Variants in CATSPERE observed in about 807,000 individuals in gnomAD.
CATSPERE encodes the protein cation channel sperm-associated auxiliary subunit epsilon.
Under a neutral mutation model 114.1 loss-of-function variants are expected in CATSPERE, and 93 were observed. That is an observed-to-expected ratio of 0.81 (90% CI 0.69 to 0.97). The LOEUF is 0.97. Ranked by LOEUF, CATSPERE falls within the 50% of genes least tolerant of loss-of-function variation. CATSPERE has a pLI of 0.00. For synonymous variants in CATSPERE, 341 were observed against 384.1 expected (o/e 0.89, Z 1.31); for missense variants, 1,058 against 1,131.6 (o/e 0.93, Z 0.93).
intron 10 of CATSPERE, among the ~76,000 whole-genome samples, chr1:244,566,751 A>G (rs1347955795): frequency 1.4e-5 from 2 of 142,712 alleles, no homozygotes; most frequent in African/African-American, 5.1e-5. Flanking sequence ...TTTGCACGTG[A>G]AATGGGTGTC....
chr1:244,471,083 G>T (rs1041118698), intron 2 of CATSPERE, among the ~76,000 whole-genome samples: 1 of 152,144 alleles, frequency 6.6e-6, no homozygotes. Context: ...TTCTAAAATC[G>T]ATTACAGTAA....
intron 19 of CATSPERE, among the ~76,000 whole-genome samples, chr1:244,613,511 A>G (rs985503436): frequency 6.6e-6 from 1 of 152,196 alleles, no homozygotes; most frequent in Non-Finnish European, 1.5e-5. Context: ...TTAAAATGTA[A>G]TTATAGGATA....
At chr1:244,495,156 G>A (rs374289025) in intron 6 of CATSPERE, among the ~76,000 whole-genome samples, 5 of 152,208 alleles carry the variant, frequency 3.3e-5, no homozygotes, top group Admixed American at 6.5e-5. Context: ...TGGAATTTAA[G>A]AGCAGGAAAA....
chr1:244,582,961 AT>A, intron 12 of CATSPERE, among the ~76,000 whole-genome samples: 2 of 3,556 alleles, frequency 5.6e-4, no homozygotes, highest in African/African-American at 9.6e-4. Context: ...ATATATATAT[AT>A]ATATATATAT....
intron 13 of CATSPERE, 41 bp from the exon 14 acceptor site, chr1:244,588,441 T>A: frequency 6.9e-7 from 1 of 1,455,296 alleles, no homozygotes; most frequent in Non-Finnish European, 9.7e-7. Flanking sequence ...ATCATATGAA[T>A]CAGAACTGCT....
intron 13 of CATSPERE, among the ~76,000 whole-genome samples, chr1:244,584,588 G>A (rs1336896154): frequency 2.7e-5 from 4 of 147,914 alleles, no homozygotes; most frequent in East Asian, 1.9e-4. Flanking sequence ...TCTTAACCCC[G>A]CCTCCTTTGA....
At chr1:244,585,107 C>A (rs1488070650) in intron 13 of CATSPERE, among the ~76,000 whole-genome samples, 3 of 152,150 alleles carry the variant, frequency 2.0e-5, no homozygotes, top group African/African-American at 7.2e-5. Context: ...TCCTGCCCAG[C>A]CAAGGCATTA....
rs1411292597 is a variant in CATSPERE, at chr1:244,633,782, T to TA, written c.2649-1706dup. ...CTGGAATGCCCTAACCCTTCATCCT[T>TA]ATTTAAACTCCAACCTTTAGGACTC... On this transcript the variant is annotated intron_variant, in intron 20 of 21. Transcript: ENST00000366534. The surrounding 1 kb of genome is among the most constrained non-coding windows in gnomAD (Gnocchi z 4.1). 6.6e-6 allele frequency among the ~76,000 whole-genome samples: 1 copy of TA among 152,072 alleles called. No homozygotes were observed. Among genetic ancestry groups the TA allele is most frequent in the East Asian group, 1.9e-4 (1 of 5,186 alleles).
intron 19 of CATSPERE, among the ~76,000 whole-genome samples, chr1:244,611,789 A>G (rs190925195): frequency 1.8e-3 from 279 of 152,294 alleles, no homozygotes; most frequent in Non-Finnish European, 2.9e-3. Context: ...ATATTCTAAG[A>G]TTCTGCCGAA....
At chr1:244,639,857 G>GT in intron 21 of CATSPERE, 71 bp from the exon 22 acceptor site, 2 of 1,396,260 alleles carry the variant, frequency 1.4e-6, no homozygotes, top group Non-Finnish European at 1.9e-6. Flanking sequence ...TTCAAAAAGT[G>GT]TTTAAATAAA....
intron 2 of CATSPERE, among the ~76,000 whole-genome samples, chr1:244,475,956 GACTC>G (rs1669284624): frequency 6.6e-6 from 1 of 151,944 alleles, no homozygotes; most frequent in Non-Finnish European, 1.5e-5. Context: ...TTTTTTTAAA[GACTC>G]CAAATATCTT....
chr1:244,525,363 T>C, intron 8 of CATSPERE, among the ~76,000 whole-genome samples: 1 of 137,590 alleles, frequency 7.3e-6, no homozygotes. Flanking sequence ...GGGGGCGGGA[T>C]AGCTCTGGAA....
At chr1:244,594,063 G>A (rs1166936198) in intron 17 of CATSPERE, among the ~76,000 whole-genome samples, 3 of 152,224 alleles carry the variant, frequency 2.0e-5, no homozygotes, top group African/African-American at 4.8e-5. Flanking sequence ...GCTCACACCT[G>A]TAATCCCAGT....
At chr1:244,561,276 A>G in intron 10 of CATSPERE, 131 bp downstream of exon 10, 1 of 663,970 alleles carries the variant, frequency 1.5e-6, no homozygotes, top group East Asian at 2.5e-5. Context: ...CTTATCACCT[A>G]CAAATGAATT....
intron 2 of CATSPERE, among the ~76,000 whole-genome samples, chr1:244,471,004 G>A (rs72767883): frequency 0.027 from 4,099 of 152,288 alleles, 79 homozygotes; most frequent in Non-Finnish European, 0.039. Flanking sequence ...CCTGCCTAGG[G>A]CTGGGAGATA....
At position 244,500,604 on chromosome 1, in the gene CATSPERE, C is replaced by A. The variant is rs533309745; in HGVS notation, c.429+1525C>A. Among the ~76,000 whole-genome samples the A allele has an allele frequency of 3.3e-4, 50 of 152,258 alleles. No individual in the cohort carries two copies. The South Asian group carries it at 0.01, about 32-fold the overall frequency. The stretch of plus-strand genomic sequence containing the variant: ...CAGTATCATTTATTAAATAGGGAAT[C>A]CTTTCCCCATTGCTTATTTTTGTCA... On this transcript the variant is annotated intron_variant, in intron 7 of 21. Coordinates refer to ENST00000366534, the MANE Select transcript of CATSPERE (RefSeq NM_001130957.2).
intron 20 of CATSPERE, among the ~76,000 whole-genome samples, chr1:244,619,787 A>G (rs1156517303): frequency 2.0e-5 from 3 of 152,216 alleles, no homozygotes; most frequent in Non-Finnish European, 2.9e-5. Context: ...GGATTTAAAA[A>G]ATGACATTTT....
At chr1:244,506,618 G>T (rs575756009) in intron 7 of CATSPERE, among the ~76,000 whole-genome samples, 2 of 152,062 alleles carry the variant, frequency 1.3e-5, no homozygotes, top group South Asian at 2.1e-4. Flanking sequence ...CAAGATTTTT[G>T]ATAATCTTGT....
intron 20 of CATSPERE, among the ~76,000 whole-genome samples, chr1:244,623,858 C>T (rs534719376): frequency 3.9e-4 from 60 of 152,200 alleles, no homozygotes; most frequent in Non-Finnish European, 7.6e-4. Context: ...CAATCATCTG[C>T]GCTTTTAGCA....
Sources: gnomAD v4.1 joint callset for allele counts (sites outside exome capture counted in the v4.1 genomes callset) on GRCh38, gnomAD v4.1.1 for gene constraint, Gnocchi (gnomAD v3.1) non-coding constraint, MANE v1.5 for transcripts, NCBI Gene and HGNC (gene_info 2026-07-23, HGNC 2026-07-21) for gene names.